The following ITPRID1 variants were observed in gnomAD, a reference collection of about 807,000 sequenced individuals.
ITPRID1 encodes the protein ITPR interacting domain containing 1.
ITPRID1 carries 96 observed loss-of-function variants against 95.4 expected under a neutral mutation model. The observed-to-expected ratio is 1.01, with a 90% confidence interval of 0.85 to 1.19. The LOEUF is 1.19. Among genes scored for constraint, ITPRID1 ranks in the 50% most tolerant of loss-of-function variants. ITPRID1 has a pLI of 0.00. For missense variants in ITPRID1, 1,339 were observed against 1,252.9 expected (o/e 1.07, Z -1.04); for synonymous variants, 510 against 453.6 (o/e 1.12, Z -1.58).
At chr7:31,657,875 A>G (rs1299475221), downstream of ITPRID1, among the ~76,000 whole-genome samples, 5 of 152,240 alleles carry the variant, frequency 3.3e-5, no homozygotes, top group Non-Finnish European at 7.4e-5. Flanking sequence ...AGAAAAAGTA[A>G]AATCACACTA....
At chr7:31,639,904 G>C (rs1469808823) in intron 10 of ITPRID1, among the ~76,000 whole-genome samples, 1 of 152,112 alleles carries the variant, frequency 6.6e-6, no homozygotes, top group Non-Finnish European at 1.5e-5. Flanking sequence ...TAGTCTTAGG[G>C]TGGTTTCAAT....
At chr7:31,644,544 G>T (rs546345432) in intron 12 of ITPRID1, among the ~76,000 whole-genome samples, 1 of 152,148 alleles carries the variant, frequency 6.6e-6, no homozygotes, top group Non-Finnish European at 1.5e-5. Context: ...TTCAGGTCTT[G>T]AACTTAGAGC....
At chr7:31,561,374 T>C (rs1369818170) in intron 5 of ITPRID1, among the ~76,000 whole-genome samples, 1 of 152,170 alleles carries the variant, frequency 6.6e-6, no homozygotes, top group Non-Finnish European at 1.5e-5. Flanking sequence ...CCCCCAGCCT[T>C]CCTGAAGCTG....
intron 10 of ITPRID1, among the ~76,000 whole-genome samples, chr7:31,610,877 G>A (rs370314167): frequency 4.6e-5 from 7 of 151,316 alleles, no homozygotes; most frequent in African/African-American, 9.7e-5. Context: ...CTTGTGGACC[G>A]CATGTAGTTA....
At chr7:31,517,229 A>AGAGAGCTGATTGGTCCATTTTG (rs1783073130) in intron 1 of ITPRID1, 1 of 151,290 alleles carries the variant, frequency 6.6e-6, no homozygotes, top group Non-Finnish European at 1.5e-5. Flanking sequence ...GGTCCATTTT[A>AGAGAGCTGATTGGTCCATTTTG]CAGAGAGCTG....
chr7:31,594,400 A>G (rs904321918), intron 10 of ITPRID1, among the ~76,000 whole-genome samples: 5 of 152,262 alleles, frequency 3.3e-5, no homozygotes, highest in African/African-American at 1.2e-4. Flanking sequence ...AGAGAAATGT[A>G]TAAGGAACCG....
At chr7:31,526,145 C>G (rs1463488078) in intron 1 of ITPRID1, among the ~76,000 whole-genome samples, 1 of 152,148 alleles carries the variant, frequency 6.6e-6, no homozygotes, top group Non-Finnish European at 1.5e-5. Flanking sequence ...TTCTACTTCC[C>G]TTTTATTTAG....
chr7:31,566,556 G>A (rs1784808494), intron 5 of ITPRID1, among the ~76,000 whole-genome samples: 1 of 152,230 alleles, frequency 6.6e-6, no homozygotes, highest in Non-Finnish European at 1.5e-5. Context: ...TACATGCAAA[G>A]TAGTAGATAG....
At chr7:31,620,671 AGAAAAACTG>A (rs1782921823) in intron 10 of ITPRID1, among the ~76,000 whole-genome samples, 1 of 151,562 alleles carries the variant, frequency 6.6e-6, no homozygotes, top group Non-Finnish European at 1.5e-5. Context: ...AAAACAGAAC[AGAAAAACTG>A]GAAACTCTAA....
chr7:31,629,478 TATC>T (rs1324743560), intron 10 of ITPRID1, among the ~76,000 whole-genome samples: 3 of 152,224 alleles, frequency 2.0e-5, no homozygotes, highest in Non-Finnish European at 4.4e-5. Flanking sequence ...TAGAAACAGT[TATC>T]ATTAGGTTGT....
Position 31,564,558 on chromosome 7 carries a change from C to T in ITPRID1, c.257-5200C>T, listed in dbSNP as rs150160187. ...AGTATAGAATTGAGGAAGACCCTAG[C>T]GAGCGGTCTTGTGTTGGCGGTACAG... On this transcript the variant is annotated intron_variant, in intron 5 of 14. Transcript: ENST00000615280. Among the ~76,000 whole-genome samples the T allele has an allele frequency of 2.4e-3, 369 of 152,204 alleles. 2 individuals carry two copies. The highest frequency in any genetic ancestry group is 8.2e-3 in the African/African-American group (341 of 41,514).
At chr7:31,617,828 G>A (rs38339) in intron 10 of ITPRID1, among the ~76,000 whole-genome samples, 148,747 of 152,324 alleles carry the variant, frequency 0.98, 72,640 homozygotes, top group East Asian at 0.99. Flanking sequence ...GACTATTTAA[G>A]TTTCAGAAGA....
intron 10 of ITPRID1, among the ~76,000 whole-genome samples, chr7:31,627,794 A>G (rs543358895): frequency 6.6e-6 from 1 of 152,248 alleles, no homozygotes; most frequent in South Asian, 2.1e-4. Flanking sequence ...GTCCCTAAAA[A>G]CAAAAACTTC....
chr7:31,621,717 G>A (rs1787916742), intron 10 of ITPRID1, among the ~76,000 whole-genome samples: 3 of 144,360 alleles, frequency 2.1e-5, no homozygotes, highest in Admixed American at 2.1e-4. Flanking sequence ...AAAATAACCA[G>A]CTAACATCAT....
At chr7:31,519,462 G>A (rs185578285) in intron 1 of ITPRID1, among the ~76,000 whole-genome samples, 241 of 151,346 alleles carry the variant, frequency 1.6e-3, no homozygotes, top group Non-Finnish European at 2.2e-3. Flanking sequence ...AAAACTGTTC[G>A]AAATCATATC....
chr7:31,523,991 G>A (rs763094303), intron 1 of ITPRID1, among the ~76,000 whole-genome samples: 18 of 152,188 alleles, frequency 1.2e-4, no homozygotes, highest in Non-Finnish European at 2.1e-4. Context: ...AGACTAAAAT[G>A]TCTTGGAATC....
chr7:31,656,595 G>C, downstream of ITPRID1: 3 of 535,332 alleles, frequency 5.6e-6, no homozygotes, highest in Non-Finnish European at 7.2e-6. Flanking sequence ...AATGAGATGA[G>C]GATAAATTAT....
chr7:31,593,430 A>G (rs1182059227), intron 10 of ITPRID1, among the ~76,000 whole-genome samples: 2 of 152,244 alleles, frequency 1.3e-5, no homozygotes, highest in African/African-American at 4.8e-5. Flanking sequence ...AATGAGAAAA[A>G]CAATATCTTA....
intron 4 of ITPRID1, 84 bp from the exon 5 acceptor site, chr7:31,554,774 C>T (rs1784394629): frequency 1.7e-6 from 2 of 1,202,974 alleles, no homozygotes; most frequent in African/African-American, 1.5e-5. Context: ...TCTGCATTTG[C>T]TCTCACCTGT....
Sources: allele counts gnomAD v4.1 joint callset (sites outside exome capture counted in the v4.1 genomes callset), GRCh38; gene constraint gnomAD v4.1.1; transcripts MANE v1.5; gene names NCBI Gene and HGNC (gene_info 2026-07-23, HGNC 2026-07-21).